NEK1: variants seen among roughly 807,000 people sequenced by gnomAD.
The protein encoded by NEK1 is serine/threonine-protein kinase Nek1.
Under a neutral mutation model 182.1 loss-of-function variants are expected in NEK1, and 137 were observed. The observed-to-expected ratio is 0.75, with a 90% CI of 0.65 to 0.87. NEK1 has a LOEUF of 0.87. Among genes scored for constraint, NEK1 ranks in the 40% least tolerant of loss-of-function variants. The pLI is 0.00. For missense variants in NEK1, 1,391 were observed against 1,494.4 expected, an observed-to-expected ratio of 0.93 and a Z score of 1.14; for synonymous variants, 513 against 492.2, an observed-to-expected ratio of 1.04 and a Z score of -0.56.
chr4:169,419,547 T>A (rs1008483174), intron 31 of NEK1, among the ~76,000 whole-genome samples: 2 of 152,210 alleles, frequency 1.3e-5, no homozygotes, highest in Non-Finnish European at 2.9e-5. Context: ...AAAAATGTAT[T>A]GTGGAATTTA....
At chr4:169,547,885 G>C (rs529555259) in intron 18 of NEK1, among the ~76,000 whole-genome samples, 1 of 152,052 alleles carries the variant, frequency 6.6e-6, no homozygotes, top group African/African-American at 2.4e-5. Context: ...CTTTTCTCAA[G>C]GTTCTTAGCT....
At position 169,503,286 on chromosome 4, in the gene NEK1, A is replaced by C. The variant is rs116035555; in HGVS notation, c.2007+3751T>G. ...ATGGAAGGAGACTTGGTATCATTAA[A>C]ATGTCCATACTGCCTGAAGTAATCT... On this transcript the variant is annotated intron_variant, in intron 23 of 35. Coordinates refer to ENST00000507142, the MANE Select transcript of NEK1 (RefSeq NM_001199397.3). Among the ~76,000 whole-genome samples, 1,256 of 152,254 alleles carry C rather than the reference A, an allele frequency of 8.2e-3. 15 individuals are homozygous for C. The highest frequency in any genetic ancestry group is 0.029 in the African/African-American group (1,189 of 41,564).
At chr4:169,579,591 C>A (rs1424731423) in intron 11 of NEK1, among the ~76,000 whole-genome samples, 3 of 152,100 alleles carry the variant, frequency 2.0e-5, no homozygotes, top group Admixed American at 1.3e-4. Flanking sequence ...GAGATTGAGA[C>A]CATCCTGGCC....
intron 26 of NEK1, among the ~76,000 whole-genome samples, chr4:169,465,542 C>G (rs928806059): frequency 6.6e-6 from 1 of 151,964 alleles, no homozygotes; most frequent in Admixed American, 6.6e-5. Context: ...ATCAGCATAT[C>G]AGTACATAAT....
intron 16 of NEK1, among the ~76,000 whole-genome samples, chr4:169,560,602 C>T (rs985705029): frequency 2.0e-5 from 3 of 151,920 alleles, no homozygotes; most frequent in African/African-American, 7.3e-5. Flanking sequence ...GTGTGTATAC[C>T]GCAGTTGAGA....
At chr4:169,421,115 A>T (rs1735422025) in intron 31 of NEK1, among the ~76,000 whole-genome samples, 1 of 152,168 alleles carries the variant, frequency 6.6e-6, no homozygotes, top group Non-Finnish European at 1.5e-5. Context: ...TGATAAAAGG[A>T]TTCATTTCAT....
At chr4:169,559,143 T>C (rs1289607023) in intron 16 of NEK1, among the ~76,000 whole-genome samples, 1 of 152,168 alleles carries the variant, frequency 6.6e-6, no homozygotes, top group Non-Finnish European at 1.5e-5. Flanking sequence ...AACTTGAAAA[T>C]TGTCTCAGTT....
intron 18 of NEK1, among the ~76,000 whole-genome samples, chr4:169,550,439 A>G (rs949767670): frequency 6.6e-6 from 1 of 152,228 alleles, no homozygotes; most frequent in Admixed American, 6.5e-5. Flanking sequence ...GAGTGAGGTC[A>G]GGAACCAAAC....
chr4:169,442,601 A>C (rs1490005702), intron 27 of NEK1, among the ~76,000 whole-genome samples: 1 of 152,244 alleles, frequency 6.6e-6, no homozygotes, highest in Non-Finnish European at 1.5e-5. Flanking sequence ...CAACAAAAAT[A>C]AATCTACAAA....
chr4:169,545,421 A>C (rs1405067518), intron 18 of NEK1, among the ~76,000 whole-genome samples: 1 of 151,196 alleles, frequency 6.6e-6, no homozygotes, highest in African/African-American at 2.4e-5. Context: ...TGGTGTATAT[A>C]TGCCACATTT....
At chr4:169,576,087 C>T (rs1016245175) in intron 12 of NEK1, among the ~76,000 whole-genome samples, 3 of 151,870 alleles carry the variant, frequency 2.0e-5, no homozygotes, top group Non-Finnish European at 2.9e-5. Context: ...ACTTCAGACT[C>T]CTGAGTAGCT....
chr4:169,507,449 A>AT (rs1199456244), intron 22 of NEK1, among the ~76,000 whole-genome samples: 3 of 152,098 alleles, frequency 2.0e-5, no homozygotes, highest in African/African-American at 7.2e-5. Flanking sequence ...ATATTCGTAT[A>AT]TTTTTTATTT....
chr4:169,564,620 A>C (rs913296038), intron 12 of NEK1, among the ~76,000 whole-genome samples: 2 of 152,130 alleles, frequency 1.3e-5, no homozygotes, highest in African/African-American at 2.4e-5. Context: ...AAGGCATACA[A>C]AAATTTACTT....
intron 5 of NEK1, among the ~76,000 whole-genome samples, chr4:169,595,922 C>CAAAAA (rs56313001): frequency 4.5e-5 from 3 of 67,188 alleles, no homozygotes; most frequent in African/African-American, 1.2e-4. Flanking sequence ...GACTCCACCT[C>CAAAAA]AAAAAAAAAA....
chr4:169,588,530 T>C, intron 8 of NEK1, 119 bp downstream of exon 8: 1 of 574,886 alleles, frequency 1.7e-6, no homozygotes, highest in Non-Finnish European at 3.1e-6. Flanking sequence ...ATTTTATATA[T>C]ACATATGTGT....
chr4:169,562,135 A>T lies in NEK1; in HGVS notation c.1080+2T>A. On this transcript the variant is annotated splice_donor_variant, in intron 13 of 35. Transcript: ENST00000507142. LOFTEE classifies it high-confidence loss of function. ...AAAATAACCAGACAGATGTCTTTAT[A>T]CCTCAGATATTTTCCTCCTTTCTTC... is the stretch of plus-strand genomic sequence containing the variant. 6.5e-7 allele frequency: 1 copy of T among 1,529,314 alleles called. No individual in the cohort carries two copies. Among genetic ancestry groups the T allele is most frequent in the Non-Finnish European group, 8.8e-7 (1 of 1,130,200 alleles). The allele number at this position is 1,529,314 out of a possible 1,614,324, so 94.7% of individuals were successfully genotyped here.
At chr4:169,413,903 G>C (rs879566532) in intron 31 of NEK1, among the ~76,000 whole-genome samples, 3 of 152,212 alleles carry the variant, frequency 2.0e-5, no homozygotes, top group Non-Finnish European at 4.4e-5. Context: ...TGTAATCCCA[G>C]CTGCTTGGGA....
chr4:169,563,193 C>G (rs976536830), intron 12 of NEK1, among the ~76,000 whole-genome samples: 3 of 151,812 alleles, frequency 2.0e-5, no homozygotes, highest in Non-Finnish European at 4.4e-5. Context: ...GTCCCCATCT[C>G]TACAAAAAAT....
intron 31 of NEK1, among the ~76,000 whole-genome samples, chr4:169,411,683 TTCTC>T (rs1395317520): frequency 6.6e-6 from 1 of 152,246 alleles, no homozygotes; most frequent in East Asian, 1.9e-4. Context: ...TAGCAGGTAA[TTCTC>T]TATCTCAACC....
Sources: allele counts gnomAD v4.1 joint callset (sites outside exome capture counted in the v4.1 genomes callset), GRCh38; gene constraint gnomAD v4.1.1; transcripts MANE v1.5; gene names NCBI Gene and HGNC (gene_info 2026-07-23, HGNC 2026-07-21).